PIAS2: variants seen among roughly 807,000 people sequenced by gnomAD.
The protein encoded by PIAS2 is E3 SUMO-protein ligase PIAS2.
PIAS2 carries 19 observed loss-of-function variants against 69.7 expected under a neutral mutation model. The observed-to-expected ratio is 0.27, with a 90% confidence interval of 0.19 to 0.40. PIAS2 has a LOEUF of 0.40. Among genes scored for constraint, PIAS2 ranks in the 10% least tolerant of loss-of-function variants. The pLI is 1.00. For missense variants in PIAS2, 624 were observed against 757.0 expected (o/e 0.82, Z 2.06); for synonymous variants, 261 against 263.2 (o/e 0.99, Z 0.08).
At chr18:46,829,277 A>C (rs1297489600) in intron 10 of PIAS2, among the ~76,000 whole-genome samples, 1 of 152,162 alleles carries the variant, frequency 6.6e-6, no homozygotes, top group Non-Finnish European at 1.5e-5. Context: ...TCTTCTCCAC[A>C]AAGAAATGGA....
At chr18:46,863,888 G>C (rs186475210) in intron 3 of PIAS2, among the ~76,000 whole-genome samples, 1 of 152,000 alleles carries the variant, frequency 6.6e-6, no homozygotes, top group East Asian at 1.9e-4. Context: ...CACAGGGTAG[G>C]TCCCCAATCC....
chr18:46,815,861 A>G, intron 12 of PIAS2: 1 of 985,752 alleles, frequency 1.0e-6, no homozygotes, highest in Non-Finnish European at 1.2e-6. Flanking sequence ...CTCTGCACAA[A>G]GCACACACTC....
chr18:46,876,092 C>T (rs751927169), intron 2 of PIAS2, among the ~76,000 whole-genome samples: 5 of 152,184 alleles, frequency 3.3e-5, no homozygotes, highest in South Asian at 2.1e-4. Context: ...CTGATCCATC[C>T]GCAAGTGGAT....
intron 12 of PIAS2, chr18:46,817,371 AAC>A (rs1307239407): frequency 2.7e-5 from 26 of 963,732 alleles, no homozygotes; most frequent in East Asian, 1.1e-4. Context: ...CTTGATATAA[AAC>A]AGTTTGAAAA....
intron 5 of PIAS2, among the ~76,000 whole-genome samples, chr18:46,847,774 G>A (rs2046370942): frequency 6.6e-6 from 1 of 152,186 alleles, no homozygotes; most frequent in Admixed American, 6.5e-5. Flanking sequence ...GAGCCACAGT[G>A]CCCGGCCAAC....
At chr18:46,816,451 T>C in intron 12 of PIAS2, 4 of 985,226 alleles carry the variant, frequency 4.1e-6, no homozygotes, top group Non-Finnish European at 4.8e-6. Flanking sequence ...CTAAAGCCTT[T>C]TTGAAAATTG....
chr18:46,850,037 G>T (rs563841493), intron 5 of PIAS2, among the ~76,000 whole-genome samples: 5 of 152,044 alleles, frequency 3.3e-5, no homozygotes, highest in African/African-American at 1.2e-4. Context: ...CTTGTCTTTC[G>T]ATTCAGATCT....
chr18:46,871,364 G>A (rs1221232709), intron 2 of PIAS2, among the ~76,000 whole-genome samples: 3 of 152,160 alleles, frequency 2.0e-5, no homozygotes, highest in Non-Finnish European at 4.4e-5. Context: ...GGGGGCCAAA[G>A]CTTACAAAGG....
intron 1 of PIAS2, among the ~76,000 whole-genome samples, chr18:46,914,478 G>A (rs1423539143): frequency 6.6e-6 from 1 of 152,084 alleles, no homozygotes; most frequent in Non-Finnish European, 1.5e-5. Flanking sequence ...AAGATCTCTG[G>A]TACTGGCTCA....
At chr18:46,915,659 GTTGC>G (rs2057745343) in intron 1 of PIAS2, 1 of 152,124 alleles carries the variant, frequency 6.6e-6, no homozygotes, top group Non-Finnish European at 1.5e-5. Flanking sequence ...CCAGTTGCTG[GTTGC>G]ACTCCAATCT....
intron 3 of PIAS2, among the ~76,000 whole-genome samples, chr18:46,857,734 A>G (rs1315703924): frequency 1.3e-5 from 2 of 152,242 alleles, no homozygotes; most frequent in African/African-American, 4.8e-5. Flanking sequence ...ACTGGGAAAT[A>G]CAATGTGCTA....
chr18:46,817,368 T>C, intron 12 of PIAS2: 7 of 969,054 alleles, frequency 7.2e-6, no homozygotes, highest in Non-Finnish European at 7.4e-6. Context: ...AAGCTTGATA[T>C]AAAACAGTTT....
intron 1 of PIAS2, among the ~76,000 whole-genome samples, chr18:46,904,622 G>C (rs994704701): frequency 6.6e-6 from 1 of 151,912 alleles, no homozygotes; most frequent in African/African-American, 2.4e-5. Flanking sequence ...ATGGTGGCAG[G>C]CACCTGTAGT....
rs1312994296 is a variant in PIAS2, at chr18:46,810,979, A to G, written c.*1454T>C. The G allele has an allele frequency of 6.6e-6, 1 of 152,204 alleles. No homozygotes were observed. The highest frequency in any genetic ancestry group is 2.4e-5 in the African/African-American group (1 of 41,460). The allele number at this position is 152,204 out of a possible 1,614,324, so 9.4% of individuals were successfully genotyped here. On this transcript the variant is annotated 3_prime_UTR_variant, in exon 14 of 14. Transcript: ENST00000585916. ...ATCCTTGTGAACTCAAAAATGATTT[A>G]GGAAGTCAAATGAAGCAAACTAAAA...
intron 1 of PIAS2, among the ~76,000 whole-genome samples, chr18:46,901,898 A>G (rs1046015141): frequency 6.6e-6 from 1 of 152,238 alleles, no homozygotes; most frequent in Non-Finnish European, 1.5e-5. Context: ...CCCTCATTCA[A>G]CACAGTACTA....
At chr18:46,827,648 C>G (rs2043011010) in intron 11 of PIAS2, 1 of 231,188 alleles carries the variant, frequency 4.3e-6, no homozygotes, top group Non-Finnish European at 8.5e-6. Flanking sequence ...GTTCCACACT[C>G]CATTACACCA....
chr18:46,893,567 A>G (rs1253844465), intron 1 of PIAS2: 1 of 374,138 alleles, frequency 2.7e-6, no homozygotes, highest in Non-Finnish European at 3.7e-6. Flanking sequence ...TAAGAAAGAG[A>G]TAAGAGCTTA....
At chr18:46,885,649 A>G (rs1230282040) in intron 2 of PIAS2, among the ~76,000 whole-genome samples, 1 of 151,936 alleles carries the variant, frequency 6.6e-6, no homozygotes, top group East Asian at 1.9e-4. Flanking sequence ...GCGCCACTGC[A>G]CTCCAGCCTG....
intron 12 of PIAS2, among the ~76,000 whole-genome samples, chr18:46,819,350 CAA>C (rs1415452856): frequency 1.3e-5 from 2 of 152,106 alleles, no homozygotes; most frequent in African/African-American, 4.8e-5. Context: ...ATATACTTTA[CAA>C]ATACTTTACA....
Sources: allele counts gnomAD v4.1 joint callset (sites outside exome capture counted in the v4.1 genomes callset), GRCh38; gene constraint gnomAD v4.1.1; transcripts MANE v1.5; gene names NCBI Gene and HGNC (gene_info 2026-07-23, HGNC 2026-07-21).